SELENOK: variants seen among roughly 807,000 people sequenced by gnomAD.
SELENOK encodes the protein selenoprotein K.
A neutral mutation model predicts 17.3 loss-of-function variants in SELENOK; 11 were observed. That is an observed-to-expected ratio of 0.63 (90% confidence interval 0.40 to 1.05). The LOEUF is 1.05. Ranked by LOEUF, SELENOK falls within the 50% of genes least tolerant of loss-of-function variation. The pLI is 0.00. For missense variants in SELENOK, 125 were observed against 113.9 expected (o/e 1.10, Z -0.44); for synonymous variants, 45 against 35.4 (o/e 1.27, Z -0.97).
chr3:53,886,227 T>C (rs1033532678), intron 3 of SELENOK, among the ~76,000 whole-genome samples: 2 of 152,214 alleles, frequency 1.3e-5, no homozygotes, highest in African/African-American at 4.8e-5. Context: ...CCAGTGCTAC[T>C]TGATCTTGAT....
In SELENOK at chr3:53,891,753, G is replaced by T; in HGVS notation, c.19+17C>A. 6.2e-7 allele frequency: 1 copy of T among 1,613,882 alleles called. No individual in the cohort carries two copies. On this transcript the variant is annotated intron_variant, in intron 1 of 4. Coordinates refer to ENST00000495461, the MANE Select transcript of SELENOK (RefSeq NM_021237.5). The stretch of plus-strand genomic sequence containing the variant: ...TTACAAGTCACCGGTCGAAGCCACA[G>T]CCCGCTCTCAACTTACCGTTCGAGA...
At chr3:53,886,299 C>T (rs1199826091) in intron 3 of SELENOK, among the ~76,000 whole-genome samples, 3 of 152,084 alleles carry the variant, frequency 2.0e-5, no homozygotes, top group African/African-American at 4.8e-5. Flanking sequence ...TGCAGTGGCA[C>T]GATCTCAGCT....
At position 53,884,461 on chromosome 3, in the gene SELENOK, G is replaced by C. The variant is rs963677489; in HGVS notation, c.*1097C>G. On this transcript the variant is annotated 3_prime_UTR_variant, in exon 5 of 5. Transcript: ENST00000495461. ...TATTTATTTCCAATAAATACTACAT[G>C]ACTATCTTACATGTAGTCACTATTC... 3.3e-5 allele frequency: 5 copies of C among 152,130 alleles called. No homozygotes were observed. Among genetic ancestry groups the C allele is most frequent in the Non-Finnish European group, 5.9e-5 (4 of 68,036 alleles). 9.4% of individuals were successfully genotyped at this position (152,130 alleles called of 1,614,324 possible).
At chr3:53,888,857 C>A (rs1700145299) in intron 1 of SELENOK, among the ~76,000 whole-genome samples, 1 of 152,040 alleles carries the variant, frequency 6.6e-6, no homozygotes, top group Non-Finnish European at 1.5e-5. Context: ...GAGATTGAGA[C>A]CATCCTGGCT....
chr3:53,888,670 C>A (rs1470791235), intron 1 of SELENOK, among the ~76,000 whole-genome samples, 187 bp from the exon 2 acceptor site: 1 of 152,230 alleles, frequency 6.6e-6, no homozygotes. Flanking sequence ...GTTCCATTAT[C>A]TAGGGACATT....
At chr3:53,889,487 C>T (rs557479381) in intron 1 of SELENOK, among the ~76,000 whole-genome samples, 1 of 152,336 alleles carries the variant, frequency 6.6e-6, no homozygotes, top group South Asian at 2.1e-4. Context: ...GTATATACTA[C>T]ATTTTGTTTA....
In SELENOK at chr3:53,888,365, G is replaced by A. The variant is rs756234259; in HGVS notation, c.110+28C>T. 6.4e-6 allele frequency: 9 copies of A among 1,409,442 alleles called. No homozygotes were observed. In the Admixed American group the frequency reaches 1.5e-4, roughly 24 times the overall value. The allele number at this position is 1,409,442 out of a possible 1,614,324, so 87.3% of individuals were successfully genotyped here. A position where few individuals can be genotyped will look rare whatever the true frequency, so the allele number is the denominator to read the frequency against. On this transcript the variant is annotated intron_variant, in intron 2 of 4. Transcript: ENST00000495461. ...TGTATACCTGTCAACTTAAATATCA[G>A]GGCAATTAAGAGCTCTTCTATACTT...
At chr3:53,891,592 G>C (rs1700169468) in intron 1 of SELENOK, among the ~76,000 whole-genome samples, 178 bp downstream of exon 1, 1 of 152,200 alleles carries the variant, frequency 6.6e-6, no homozygotes. Flanking sequence ...TGCCGGCTCA[G>C]AGACCATCGG....
chr3:53,890,508 T>G (rs988490315), intron 1 of SELENOK, among the ~76,000 whole-genome samples: 1 of 152,220 alleles, frequency 6.6e-6, no homozygotes, highest in Admixed American at 6.5e-5. Flanking sequence ...TAAAGTACGA[T>G]AAAGAGTCCT....
intron 1 of SELENOK, chr3:53,891,105 C>G (rs1260579001): frequency 6.6e-6 from 1 of 152,140 alleles, no homozygotes; most frequent in Non-Finnish European, 1.5e-5. Flanking sequence ...GAAATTCGAG[C>G]AAAAAATTCC....
intron 2 of SELENOK, 43 bp downstream of exon 2, chr3:53,888,350 T>G (rs1700141421): frequency 8.0e-7 from 1 of 1,255,698 alleles, no homozygotes; most frequent in African/African-American, 1.5e-5. Context: ...TGTATACCTG[T>G]CAACTTAAAT....
Position 53,888,181 on chromosome 3 carries a change from C to T in SELENOK, c.110+212G>A, listed in dbSNP as rs115898578. The T allele has an allele frequency of 8.8e-3, 3,722 of 424,006 alleles. 23 individuals carry two copies. The highest frequency in any genetic ancestry group is 0.02 in the Middle Eastern group (31 of 1,566). 26.3% of individuals were successfully genotyped at this position (424,006 alleles called of 1,614,324 possible). A position where few individuals can be genotyped will look rare whatever the true frequency, so the allele number is the denominator to read the frequency against. On this transcript the variant is annotated intron_variant, in intron 2 of 4. Transcript: ENST00000495461. ...CAAGGTTAAGATGTGGTCAAGTTTA[C>T]CAATCCAACTAACATATACTCATAA...
rs11557478 is a variant in SELENOK at position 53,885,837 on chromosome 3, A to G, written c.270T>C (p.Gly90=). The G allele has an allele frequency of 6.3e-7, 1 of 1,585,218 alleles. No homozygotes were observed. Among genetic ancestry groups the G allele is most frequent in the Admixed American group, 1.8e-5 (1 of 56,572 alleles). Residue 90 remains glycine (G), a synonymous_variant, in exon 4 of 5, where the codon GGT becomes GGC. Transcript: ENST00000495461. ...AGATCTGAAGTTACCTTCCTCATCCACCAGCCATTGGAGGGGGACTAGGGC... is the reference window on the plus strand; with the variant it reads ...AGATCTGAAGTTACCTTCCTCATCCGCCAGCCATTGGAGGGGGACTAGGGC... ...LRGPSPPPMA[G]GUGR is the part of the protein sequence containing the mutation.
At chr3:53,887,345 T>C (rs930432984) in intron 2 of SELENOK, among the ~76,000 whole-genome samples, 3 of 152,184 alleles carry the variant, frequency 2.0e-5, no homozygotes, top group African/African-American at 7.2e-5. Context: ...TCCATTGAAA[T>C]GGAATTTTTA....
chr3:53,890,523 G>A (rs949854992), intron 1 of SELENOK, among the ~76,000 whole-genome samples: 3 of 152,136 alleles, frequency 2.0e-5, no homozygotes, highest in East Asian at 1.9e-4. Flanking sequence ...AGTCCTAATC[G>A]GCTACTTATG....
chr3:53,888,560 G>A, intron 1 of SELENOK, 77 bp from the exon 2 acceptor site: 1 of 976,816 alleles, frequency 1.0e-6, no homozygotes, highest in Non-Finnish European at 1.6e-6. Context: ...TAATTATTGA[G>A]GTAACAATGA....
intron 1 of SELENOK, chr3:53,891,187 G>T (rs1700166013): frequency 6.6e-6 from 1 of 152,362 alleles, no homozygotes; most frequent in Non-Finnish European, 1.5e-5. Context: ...ATCCTAGGTC[G>T]GCTCGGTCTT....
rs532750309 is a variant in SELENOK, at chr3:53,887,058, A to G, written c.111-124T>C. 1,326 of 692,786 alleles carry G rather than the reference A, an allele frequency of 1.9e-3. 12 individuals carry two copies. Among genetic ancestry groups the G allele is most frequent in the Middle Eastern group, 7.3e-3 (29 of 3,956 alleles). The allele number at this position is 692,786 out of a possible 1,614,324, so 42.9% of individuals were successfully genotyped here. A position where few individuals can be genotyped will look rare whatever the true frequency, so the allele number is the denominator to read the frequency against. On this transcript the variant is annotated intron_variant, in intron 2 of 4. Coordinates refer to ENST00000495461, the MANE Select transcript of SELENOK (RefSeq NM_021237.5). ...TAAACCCACTTAGCTCCTAACCCAC[A>G]TTTCTTGCAGCCAGCTGGACACCAC...
At chr3:53,886,973 T>C (rs1371856693) in intron 2 of SELENOK, 39 bp from the exon 3 acceptor site, 1 of 1,409,472 alleles carries the variant, frequency 7.1e-7, no homozygotes, top group Non-Finnish European at 9.7e-7. Flanking sequence ...GTATCACTTT[T>C]GACAACATTC....
Sources: allele counts gnomAD v4.1 joint callset (sites outside exome capture counted in the v4.1 genomes callset), GRCh38; gene constraint gnomAD v4.1.1; transcripts MANE v1.5; gene names NCBI Gene and HGNC (gene_info 2026-07-23, HGNC 2026-07-21).